The following SCGN variants were observed in gnomAD, a reference collection of about 807,000 sequenced individuals.
SCGN encodes the protein secretagogin.
A neutral mutation model predicts 39.7 loss-of-function variants in SCGN; 30 were observed. The observed-to-expected ratio is 0.76, with a 90% CI of 0.57 to 1.03. The LOEUF (loss-of-function observed/expected upper bound fraction) is 1.03, where lower values mean the gene tolerates loss of function less well. SCGN is among the 50% of genes least tolerant of loss of function. The pLI is 0.00. For synonymous variants in SCGN, 106 were observed against 114.1 expected (o/e 0.93, Z 0.45); for missense variants, 353 against 349.4 (o/e 1.01, Z -0.08).
chr6:25,670,200 A>G, intron 6 of SCGN, 124 bp downstream of exon 6: 1 of 734,256 alleles, frequency 1.4e-6, no homozygotes, highest in Non-Finnish European at 2.4e-6. Flanking sequence ...TGCAAGAGGA[A>G]ACCTCAACTC....
rs1035213651 is a variant in SCGN, at chr6:25,652,350, C to G, written c.-54C>G. On this transcript the variant is annotated 5_prime_UTR_variant, in exon 1 of 11. Coordinates refer to ENST00000377961, the MANE Select transcript of SCGN (RefSeq NM_006998.4). The stretch of plus-strand genomic sequence containing the variant: ...CAAGAAATACGGTGAAGGAGTCCTT[C>G]CCAAAGTTGTCTAGGTCCTTCCGCG... 3 of 1,429,916 alleles carry G rather than the reference C, an allele frequency of 2.1e-6. No individual in the cohort carries two copies. The African/African-American group carries it at 4.2e-5, about 20-fold the overall frequency. The allele number at this position is 1,429,916 out of a possible 1,614,324, so 88.6% of individuals were successfully genotyped here.
chr6:25,689,820 A>T (rs1446466438), intron 9 of SCGN, among the ~76,000 whole-genome samples: 2 of 152,166 alleles, frequency 1.3e-5, no homozygotes, highest in Non-Finnish European at 2.9e-5. Flanking sequence ...GAGTTCATTT[A>T]TAATATCATA....
chr6:25,697,038 G>C (rs1415868888), intron 10 of SCGN, among the ~76,000 whole-genome samples: 2 of 152,270 alleles, frequency 1.3e-5, no homozygotes, highest in African/African-American at 2.4e-5. Context: ...GTTCTTCCTG[G>C]AGCTTCTCAA....
chr6:25,663,671 G>A (rs1296465339), intron 3 of SCGN, among the ~76,000 whole-genome samples: 2 of 152,124 alleles, frequency 1.3e-5, no homozygotes, highest in African/African-American at 2.4e-5. Flanking sequence ...TCACTCTAAA[G>A]CCTATAACAC....
At chr6:25,670,882 A>G (rs1413703869) in intron 6 of SCGN, among the ~76,000 whole-genome samples, 1 of 152,232 alleles carries the variant, frequency 6.6e-6, no homozygotes. Flanking sequence ...ATTGAACTGC[A>G]TCTGGCTCCT....
chr6:25,684,808 C>CA (rs962875615), intron 7 of SCGN, among the ~76,000 whole-genome samples: 8 of 151,224 alleles, frequency 5.3e-5, no homozygotes, highest in African/African-American at 9.7e-5. Context: ...GATTCTATCT[C>CA]AAAAAAAGAA....
intron 6 of SCGN, 32 bp from the exon 7 acceptor site, chr6:25,681,919 C>G: frequency 6.4e-7 from 1 of 1,573,594 alleles, no homozygotes; most frequent in Non-Finnish European, 8.7e-7. Flanking sequence ...GTTCCTGTTA[C>G]AAGTACAACC....
At chr6:25,683,630 G>GT (rs66590094) in intron 7 of SCGN, among the ~76,000 whole-genome samples, 20,910 of 152,240 alleles carry the variant, frequency 0.14, 1,681 homozygotes, top group African/African-American at 0.21. Context: ...ACATTTCAGT[G>GT]TATAAGTGCT....
intron 4 of SCGN, among the ~76,000 whole-genome samples, chr6:25,666,942 C>T (rs1284408627): frequency 6.6e-6 from 1 of 151,978 alleles, no homozygotes; most frequent in African/African-American, 2.4e-5. Context: ...TAAAAACACT[C>T]AGATAACATT....
chr6:25,686,392 T>C (rs1759705067), intron 7 of SCGN, among the ~76,000 whole-genome samples: 1 of 152,232 alleles, frequency 6.6e-6, no homozygotes, highest in Non-Finnish European at 1.5e-5. Context: ...ATTGTTTGCA[T>C]CTTTCTTTTA....
intron 2 of SCGN, 129 bp from the exon 3 acceptor site, chr6:25,661,423 T>C: frequency 1.6e-6 from 1 of 630,542 alleles, no homozygotes; most frequent in Non-Finnish European, 2.8e-6. Flanking sequence ...TCACTTTAAA[T>C]GGTCAAGGAA....
chr6:25,667,145 T>C (rs541155012), intron 4 of SCGN, among the ~76,000 whole-genome samples: 66 of 152,218 alleles, frequency 4.3e-4, no homozygotes, highest in African/African-American at 1.6e-3. Flanking sequence ...ACAGTGAACA[T>C]GATATCAGAA....
chr6:25,669,509 A>G lies in SCGN; in HGVS notation c.337-2A>G, dbSNP rs1201564553. On this transcript the variant is annotated splice_acceptor_variant, in intron 4 of 10. Transcript: ENST00000377961. LOFTEE classifies it high-confidence loss of function. The stretch of plus-strand genomic sequence containing the variant: ...TTAATTAGTGACTTTTGTGTATTTC[A>G]GATTTGGCGCAAATATGACGCTGAC... 6 of 1,612,998 alleles carry G rather than the reference A, an allele frequency of 3.7e-6. No individual in the cohort carries two copies. The highest frequency in any genetic ancestry group is 5.1e-6 in the Non-Finnish European group (6 of 1,179,056).
At chr6:25,670,361 A>G (rs1759479281) in intron 6 of SCGN, among the ~76,000 whole-genome samples, 1 of 152,226 alleles carries the variant, frequency 6.6e-6, no homozygotes, top group South Asian at 2.1e-4. Context: ...AATAACCTCA[A>G]TGTTAATTGA....
chr6:25,696,218 T>G (rs1258808247), intron 10 of SCGN, among the ~76,000 whole-genome samples: 1 of 152,148 alleles, frequency 6.6e-6, no homozygotes, highest in Non-Finnish European at 1.5e-5. Context: ...ATTGTAAAAA[T>G]GATACATGCA....
In SCGN at chr6:25,652,252, A is replaced by G. The variant is rs1344909941; in HGVS notation, c.-152A>G. ...GGGACGGCTCAGCGACGCCACGGCCAGCAGCGCTCGCGTCCTCCCCAGCAA... is the reference window on the plus strand; with the variant it reads ...GGGACGGCTCAGCGACGCCACGGCCGGCAGCGCTCGCGTCCTCCCCAGCAA... On this transcript the variant is annotated 5_prime_UTR_variant, in exon 1 of 11. Transcript: ENST00000377961. The G allele has an allele frequency of 1.5e-6, 1 of 649,374 alleles. No individual in the cohort carries two copies. The highest frequency in any genetic ancestry group is 2.7e-6 in the Non-Finnish European group (1 of 372,592). 40.2% of individuals were successfully genotyped at this position (649,374 alleles called of 1,614,324 possible). A position where few individuals can be genotyped will look rare whatever the true frequency, so the allele number is the denominator to read the frequency against.
intron 10 of SCGN, among the ~76,000 whole-genome samples, chr6:25,700,612 G>T (rs1759899132): frequency 6.6e-6 from 1 of 152,142 alleles, no homozygotes; most frequent in African/African-American, 2.4e-5. Flanking sequence ...AATAACCTAT[G>T]GAGAATCAAT....
intron 7 of SCGN, among the ~76,000 whole-genome samples, chr6:25,682,248 G>T (rs1759646120): frequency 6.6e-6 from 1 of 152,180 alleles, no homozygotes; most frequent in Non-Finnish European, 1.5e-5. Flanking sequence ...TGTTATGGAT[G>T]GGTCATGGGA....
At chr6:25,666,777 T>C (rs57183734) in intron 4 of SCGN, among the ~76,000 whole-genome samples, 2 of 152,172 alleles carry the variant, frequency 1.3e-5, no homozygotes, top group Admixed American at 1.3e-4. Flanking sequence ...AAATAAAATA[T>C]AGGTAAGAAT....
Sources: allele counts gnomAD v4.1 joint callset (sites outside exome capture counted in the v4.1 genomes callset), GRCh38; gene constraint gnomAD v4.1.1; transcripts MANE v1.5; gene names NCBI Gene and HGNC (gene_info 2026-07-23, HGNC 2026-07-21).